Variants in PPP6R2 observed in about 807,000 individuals in gnomAD.
PPP6R2 encodes serine/threonine-protein phosphatase 6 regulatory subunit 2.
PPP6R2 carries 62 observed loss-of-function variants against 100.2 expected under a neutral mutation model. That is an observed-to-expected ratio of 0.62 (90% CI 0.50 to 0.76). The LOEUF (loss-of-function observed/expected upper bound fraction) is 0.76. Among genes scored for constraint, PPP6R2 ranks in the 30% least tolerant of loss-of-function variants. The probability of loss-of-function intolerance (pLI) is 0.00; values close to 1 mark genes in which losing one functional copy is unlikely to be tolerated. For synonymous variants in PPP6R2, 525 were observed against 514.7 expected, an observed-to-expected ratio of 1.02 and a Z score of -0.27; for missense variants, 1,142 against 1,276.3, an observed-to-expected ratio of 0.89 and a Z score of 1.60.
At chr22:50,410,035 T>G (rs538157890) in intron 4 of PPP6R2, among the ~76,000 whole-genome samples, 1 of 152,240 alleles carries the variant, frequency 6.6e-6, no homozygotes, top group East Asian at 1.9e-4. Context: ...GCCTATTTTG[T>G]TTTTTGTTTT....
rs1446786004 is a variant in PPP6R2, at chr22:50,439,821, G to A, written c.2249G>A (p.Gly750Asp). ...GGCACCTCAGCTCCAGAGGAGAAAG[G>A]CTGGGCCAAGTTCACTGACTTCCAA... is the stretch of plus-strand genomic sequence containing the variant. ...AAGTSAPEEK[G>D]WAKFTDFQPF... is the part of the protein sequence containing the mutation. Residue 750 changes from glycine to aspartate, a missense_variant, in exon 20 of 24, where the codon GGC becomes GAC. By Grantham distance (94) the Gly-to-Asp change is moderately conservative. Around this residue, in one of 2 missense-constraint regions of PPP6R2, gnomAD observed 550 missense variants for 517.4 expected, o/e 1.06. Transcript: ENST00000612753. 2 of 1,613,788 alleles carry A rather than the reference G, an allele frequency of 1.2e-6. No homozygotes were observed. The highest frequency in any genetic ancestry group is 2.2e-5 in the South Asian group (2 of 91,058).
the PPP6R2 span, among the ~76,000 whole-genome samples, chr22:50,331,192 G>C: frequency 6.6e-6 from 1 of 151,904 alleles, no homozygotes; most frequent in Admixed American, 6.6e-5. Context: ...TGATGTTTTC[G>C]TGTCCATTTA....
intron 2 of PPP6R2, 47 bp from the exon 3 acceptor site, chr22:50,393,846 T>C (rs968424678): frequency 8.7e-6 from 14 of 1,605,572 alleles, no homozygotes; most frequent in Non-Finnish European, 1.2e-5. Context: ...TTGCTGAAGG[T>C]GGATTTGCAA....
chr22:50,414,800 T>C, intron 5 of PPP6R2, 111 bp downstream of exon 5: 2 of 1,235,202 alleles, frequency 1.6e-6, no homozygotes, highest in Non-Finnish European at 2.2e-6. Context: ...TCTCTCCACC[T>C]AGCGTGCATT....
In PPP6R2 at chr22:50,440,935, G is replaced by A. The variant is rs148863369; in HGVS notation, c.2488G>A (p.Ala830Thr). ...GSHSEDGDQK[A>T]ASAMDAVSRG... Reference sequence around the variant, plus strand: ...CCACAGCGAGGATGGCGACCAGAAGGCAGCGAGTGCCATGGATGCGGTGAG... The same window carrying A: ...CCACAGCGAGGATGGCGACCAGAAGACAGCGAGTGCCATGGATGCGGTGAG... The change falls in exon 22 of 24, where the codon GCA becomes ACA. Residue 830 changes from alanine (A) to threonine (T), a missense_variant. Ala to Thr is a moderately conservative substitution (Grantham distance 58, BLOSUM62 0). Coordinates refer to ENST00000612753, the MANE Select transcript of PPP6R2 (RefSeq NM_001242898.2). 2.0e-5 allele frequency: 32 copies of A among 1,613,492 alleles called. No homozygotes were observed. In the African/African-American group the frequency reaches 3.6e-4, roughly 18 times the overall value.
intron 2 of PPP6R2, among the ~76,000 whole-genome samples, chr22:50,393,252 G>C (rs2056025043): frequency 6.6e-6 from 1 of 152,176 alleles, no homozygotes; most frequent in South Asian, 2.1e-4. Context: ...GCTTCAGAGA[G>C]AACCCTGGGT....
At chr22:50,346,550 A>G (rs1601962143) in intron 1 of PPP6R2, among the ~76,000 whole-genome samples, 2 of 49,310 alleles carry the variant, frequency 4.1e-5, no homozygotes, top group Non-Finnish European at 7.7e-5. Context: ...CCCACCCTAC[A>G]CCAGTCAGTG....
Position 50,431,260 on chromosome 22 carries a change from G to A in PPP6R2, c.1213G>A (p.Glu405Lys), listed in dbSNP as rs1250370763. Reference protein sequence around the residue: ...IAAILSHAAREERTEASGSES... With the variant: ...IAAILSHAARKERTEASGSES... Reference sequence around the variant, plus strand: ...CGCTATTCTCTCCCACGCTGCCCGTGAGGAGAGGACAGAAGCCAGCGGATC... The same window carrying A: ...CGCTATTCTCTCCCACGCTGCCCGTAAGGAGAGGACAGAAGCCAGCGGATC... The change falls in exon 11 of 24, where the codon GAG (glutamate) becomes AAG (lysine). Residue 405 changes from glutamate (E) to lysine (K), a missense_variant. Around this residue, in one of 2 missense-constraint regions of PPP6R2, gnomAD observed 592 missense variants for 758.9 expected, o/e 0.78. Transcript: ENST00000612753. This position sits in a 1 kb window ranked among gnomAD's most constrained non-coding sequence, Gnocchi z 4.8. 6.2e-7 allele frequency: 1 copy of A among 1,613,528 alleles called. No individual in the cohort carries two copies. The highest frequency in any genetic ancestry group is 1.3e-5 in the African/African-American group (1 of 74,942).
chr22:50,384,703 G>C (rs974176148), intron 2 of PPP6R2, among the ~76,000 whole-genome samples: 13 of 152,214 alleles, frequency 8.5e-5, no homozygotes, highest in Non-Finnish European at 1.5e-5. Flanking sequence ...CAAGGGAGCT[G>C]AGTAGTGTAC....
At chr22:50,385,743 T>C (rs1020812369) in intron 2 of PPP6R2, among the ~76,000 whole-genome samples, 1 of 150,614 alleles carries the variant, frequency 6.6e-6, no homozygotes, top group Non-Finnish European at 1.5e-5. Flanking sequence ...CTTGAACTCC[T>C]GACCTCAGGT....
At chr22:50,335,069 T>G in the PPP6R2 span, among the ~76,000 whole-genome samples, 2 of 151,998 alleles carry the variant, frequency 1.3e-5, no homozygotes, top group African/African-American at 4.8e-5. Flanking sequence ...TTTTTATTTT[T>G]GAGACAGGGT....
intron 1 of PPP6R2, among the ~76,000 whole-genome samples, chr22:50,361,726 G>A (rs2047827225): frequency 6.6e-6 from 1 of 152,026 alleles, no homozygotes; most frequent in Admixed American, 6.6e-5. Context: ...TTGACTCTTT[G>A]TTCTGGTACT....
chr22:50,379,847 T>G (rs2052483721), intron 2 of PPP6R2, among the ~76,000 whole-genome samples: 1 of 152,198 alleles, frequency 6.6e-6, no homozygotes, highest in Admixed American at 6.6e-5. Context: ...TACTCCAGCC[T>G]GGGTGGCAGA....
At chr22:50,374,213 G>A (rs1276661529) in intron 2 of PPP6R2, among the ~76,000 whole-genome samples, 2 of 152,082 alleles carry the variant, frequency 1.3e-5, no homozygotes, top group Non-Finnish European at 2.9e-5. Context: ...ACTCTGATGC[G>A]TTAAAAATTA....
At chr22:50,333,339 CTTT>C in the PPP6R2 span, among the ~76,000 whole-genome samples, 2 of 140,586 alleles carry the variant, frequency 1.4e-5, no homozygotes, top group Non-Finnish European at 1.6e-5. Context: ...TGTTCTTTTT[CTTT>C]TTTTTTTTTT....
At chr22:50,434,245 C>T (rs1215451442) in intron 12 of PPP6R2, among the ~76,000 whole-genome samples, 1 of 71,454 alleles carries the variant, frequency 1.4e-5, no homozygotes. Flanking sequence ...GGGCAGGGGC[C>T]GGGCACTTGC....
Position 50,431,114 on chromosome 22 carries a change from G to A in PPP6R2, c.1126-59G>A. 2 of 1,390,334 alleles carry A rather than the reference G, an allele frequency of 1.4e-6. No homozygotes were observed. The highest frequency in any genetic ancestry group is 2.3e-5 in the East Asian group (1 of 43,328). 86.1% of individuals were successfully genotyped at this position (1,390,334 alleles called of 1,614,324 possible). On this transcript the variant is annotated intron_variant, in intron 10 of 23. Coordinates refer to ENST00000612753, the MANE Select transcript of PPP6R2 (RefSeq NM_001242898.2). This position sits in a 1 kb window ranked among gnomAD's most constrained non-coding sequence, Gnocchi z 4.8. ...TAGGAAGGGTTTCCCTCAGCTTTGTGGTGTAGCCGGCAGGAGAAAACCGAT... is the reference window on the plus strand; with the variant it reads ...TAGGAAGGGTTTCCCTCAGCTTTGTAGTGTAGCCGGCAGGAGAAAACCGAT...
chr22:50,375,698 C>T (rs1009505968), intron 2 of PPP6R2, among the ~76,000 whole-genome samples: 1 of 152,114 alleles, frequency 6.6e-6, no homozygotes, highest in Admixed American at 6.6e-5. Flanking sequence ...AGCCCAGTTA[C>T]ATTGCCTGGT....
chr22:50,415,479 T>C (rs1667142716), intron 5 of PPP6R2, among the ~76,000 whole-genome samples: 1 of 152,254 alleles, frequency 6.6e-6, no homozygotes, highest in Non-Finnish European at 1.5e-5. Flanking sequence ...CCTGCAGAAC[T>C]GTACGTCAGG....
Sources: gnomAD v4.1 joint callset for allele counts (sites outside exome capture counted in the v4.1 genomes callset) on GRCh38, gnomAD v4.1.1 for gene constraint, gnomAD v4.1.1 regional missense constraint, Gnocchi (gnomAD v3.1) non-coding constraint, MANE v1.5 for transcripts, NCBI Gene and HGNC (gene_info 2026-07-23, HGNC 2026-07-21) for gene names.